The following TFDP1 variants were observed in gnomAD, a reference collection of about 807,000 sequenced individuals.
The protein encoded by TFDP1 is transcription factor Dp-1, also known as DRTF1-polypeptide 1.
TFDP1 carries 6 observed loss-of-function variants against 48.0 expected under a neutral mutation model. That is an observed-to-expected ratio of 0.13 (90% CI 0.07 to 0.25). The LOEUF (loss-of-function observed/expected upper bound fraction) is 0.25, where lower values mean the gene tolerates loss of function less well. Ranked by LOEUF, TFDP1 falls within the 10% of genes least tolerant of loss-of-function variation. The pLI is 1.00. For synonymous variants in TFDP1, 201 were observed against 211.6 expected, an observed-to-expected ratio of 0.95 and a Z score of 0.44; for missense variants, 335 against 543.0, an observed-to-expected ratio of 0.62 and a Z score of 3.81.
At chr13:113,615,333 TATC>T (rs1194192772) in intron 3 of TFDP1, among the ~76,000 whole-genome samples, 1 of 152,232 alleles carries the variant, frequency 6.6e-6, no homozygotes, top group Non-Finnish European at 1.5e-5. Context: ...CTCTTACTCA[TATC>T]ATGCCTACGG....
At chr13:113,637,340 C>T (rs2049518062) in intron 10 of TFDP1, 1 of 318,060 alleles carries the variant, frequency 3.1e-6, no homozygotes. Flanking sequence ...AGATTCCTCC[C>T]TGAGCTCTTA....
intron 8 of TFDP1, 120 bp from the exon 9 acceptor site, chr13:113,635,857 G>A (rs1027280845): frequency 5.0e-6 from 6 of 1,201,056 alleles, no homozygotes; most frequent in Non-Finnish European, 7.0e-6. Flanking sequence ...TGGCATTTCA[G>A]ATGTCCAGGC....
At chr13:113,610,757 G>A (rs2048691334) in intron 2 of TFDP1, among the ~76,000 whole-genome samples, 1 of 152,236 alleles carries the variant, frequency 6.6e-6, no homozygotes, top group Non-Finnish European at 1.5e-5. Context: ...GATTCTGTAA[G>A]TCATGGCTAA....
chr13:113,606,836 G>A (rs983043709), intron 2 of TFDP1, among the ~76,000 whole-genome samples: 3 of 152,144 alleles, frequency 2.0e-5, no homozygotes, highest in Admixed American at 6.5e-5. Context: ...TCGGTGTGGG[G>A]TAAGCGCATC....
At chr13:113,637,528 G>C in intron 10 of TFDP1, 1 of 1,276,238 alleles carries the variant, frequency 7.8e-7, no homozygotes, top group South Asian at 1.4e-5. Context: ...TCCGTTTCAC[G>C]ATGGGTATGA....
At chr13:113,632,496 T>G (rs1384469322) in intron 5 of TFDP1, among the ~76,000 whole-genome samples, 1 of 152,236 alleles carries the variant, frequency 6.6e-6, no homozygotes, top group Non-Finnish European at 1.5e-5. Flanking sequence ...CTGGCTGCCC[T>G]CTTTAGAAAA....
At chr13:113,606,527 C>G (rs1192038986) in intron 2 of TFDP1, among the ~76,000 whole-genome samples, 1 of 152,044 alleles carries the variant, frequency 6.6e-6, no homozygotes, top group African/African-American at 2.4e-5. Context: ...CCAGTCACTT[C>G]CAAATACCGT....
rs923058165 is a variant in TFDP1 at position 113,623,495 on chromosome 13, C to T, written c.186+209C>T. Among the ~76,000 whole-genome samples, 1 of 152,138 alleles carries T rather than the reference C, an allele frequency of 6.6e-6. No homozygotes were observed. The highest frequency in any genetic ancestry group is 1.5e-5 in the Non-Finnish European group (1 of 68,032). ...CGTGTTGTTGTGGGAGAGGTGATGG[C>T]GCCCACAGCACTCCTGTGTGCCCCA... On this transcript the variant is annotated intron_variant, in intron 4 of 11. Transcript: ENST00000375370. The surrounding 1 kb of genome is among the most constrained non-coding windows in gnomAD (Gnocchi z 5.2).
Position 113,607,185 on chromosome 13 carries a change from G to A in TFDP1, c.13-3811G>A, listed in dbSNP as rs1431053538. Among the ~76,000 whole-genome samples, 1 of 152,194 alleles carries A rather than the reference G, an allele frequency of 6.6e-6. No individual in the cohort carries two copies. The highest frequency in any genetic ancestry group is 2.4e-5 in the African/African-American group (1 of 41,432). Reference sequence around the variant, plus strand: ...CTGACAGAGCCGTGCAGGCGGCAGCGGCAGCACTGTTGCTGCGGCTGAGAC... The same window carrying A: ...CTGACAGAGCCGTGCAGGCGGCAGCAGCAGCACTGTTGCTGCGGCTGAGAC... On this transcript the variant is annotated intron_variant, in intron 2 of 11. Transcript: ENST00000375370. This position sits in a 1 kb window ranked among gnomAD's most constrained non-coding sequence, Gnocchi z 5.2.
intron 2 of TFDP1, among the ~76,000 whole-genome samples, chr13:113,586,331 T>C (rs1450619478): frequency 2.0e-5 from 3 of 152,226 alleles, no homozygotes; most frequent in Non-Finnish European, 4.4e-5. Context: ...AGCTAAGGAC[T>C]TGTTTTGGCC....
intron 2 of TFDP1, among the ~76,000 whole-genome samples, chr13:113,590,879 G>A (rs1302699798): frequency 6.6e-6 from 1 of 151,796 alleles, no homozygotes; most frequent in African/African-American, 2.4e-5. Context: ...GCATGGTGGT[G>A]GGCGCCTGTA....
In TFDP1 at chr13:113,600,684, C is replaced by T. The variant is rs538740269; in HGVS notation, c.13-10312C>T. Among the ~76,000 whole-genome samples, 27 of 145,932 alleles carry T rather than the reference C, an allele frequency of 1.9e-4. 1 individual carries two copies. Among genetic ancestry groups the T allele is most frequent in the Non-Finnish European group, 3.4e-4 (23 of 66,830 alleles). On this transcript the variant is annotated intron_variant, in intron 2 of 11. Coordinates refer to ENST00000375370, the MANE Select transcript of TFDP1 (RefSeq NM_007111.5). The stretch of plus-strand genomic sequence containing the variant: ...AGCTCCAGGACCGTGATAGAGAACT[C>T]AGGATGGTGAGAGAGAATCCTTGCA...
At chr13:113,634,777 G>A (rs539646782) in intron 8 of TFDP1, among the ~76,000 whole-genome samples, 175 bp downstream of exon 8, 29 of 149,668 alleles carry the variant, frequency 1.9e-4, no homozygotes, top group African/African-American at 5.9e-4. Flanking sequence ...TTCCCAGAGC[G>A]AGGTTGTGCA....
intron 2 of TFDP1, among the ~76,000 whole-genome samples, chr13:113,602,948 A>G (rs2048474505): frequency 6.6e-6 from 1 of 150,876 alleles, no homozygotes; most frequent in African/African-American, 2.5e-5. Context: ...ATAAAATAGA[A>G]TAACACTAAC....
In TFDP1 at chr13:113,633,940, G is replaced by A. The variant is rs1226638426; in HGVS notation, c.525G>A (p.Val175=). The A allele has an allele frequency of 1.9e-6, 3 of 1,614,024 alleles. No individual in the cohort carries two copies. The highest frequency in any genetic ancestry group is 2.5e-6 in the Non-Finnish European group (3 of 1,180,044). The change falls in exon 7 of 12, where the codon GTG becomes GTA. Residue 175 remains valine (V), a synonymous_variant. Coordinates refer to ENST00000375370, the MANE Select transcript of TFDP1 (RefSeq NM_007111.5). The surrounding 1 kb of genome is among the most constrained non-coding windows in gnomAD (Gnocchi z 4.5). Reference sequence around the variant, plus strand: ...GGCGCGTCTACGATGCCTTAAACGTGCTAATGGCCATGAACATCATCTCCA... The same window carrying A: ...GGCGCGTCTACGATGCCTTAAACGTACTAATGGCCATGAACATCATCTCCA... The part of the protein sequence containing the change: ...IRRRVYDALN[V]LMAMNIISKE...
At chr13:113,587,890 C>T (rs1273620166) in intron 2 of TFDP1, among the ~76,000 whole-genome samples, 2 of 152,166 alleles carry the variant, frequency 1.3e-5, no homozygotes, top group Non-Finnish European at 2.9e-5. Context: ...CGGAGTTTTG[C>T]TTGTTGCCCA....
intron 9 of TFDP1, 92 bp from the exon 10 acceptor site, chr13:113,636,442 G>A: frequency 2.9e-6 from 4 of 1,403,004 alleles, no homozygotes; most frequent in Admixed American, 1.9e-5. Flanking sequence ...GCTGTGTGTG[G>A]CGGTCAGCGG....
At position 113,633,820 on chromosome 13, in the gene TFDP1, A is replaced by G. The variant is rs4150787; in HGVS notation, c.475-70A>G. The G allele has an allele frequency of 2.5e-3, 3,790 of 1,538,672 alleles. 75 individuals carry two copies. In the African/African-American group the frequency reaches 0.045, roughly 18 times the overall value. ...GGGGTGCCCCTTTGAGCCAGTGCCC[A>G]TGGTCTACAGTTTAAGGATCCACCG... On this transcript the variant is annotated intron_variant, in intron 6 of 11. Transcript: ENST00000375370. This position sits in a 1 kb window ranked among gnomAD's most constrained non-coding sequence, Gnocchi z 4.5.
At chr13:113,592,707 GC>G (rs1240188506) in intron 2 of TFDP1, among the ~76,000 whole-genome samples, 1 of 152,256 alleles carries the variant, frequency 6.6e-6, no homozygotes, top group Non-Finnish European at 1.5e-5. Context: ...ATCCAGCATT[GC>G]CAACACATCC....
Sources: allele counts gnomAD v4.1 joint callset (sites outside exome capture counted in the v4.1 genomes callset), GRCh38; gene constraint gnomAD v4.1.1; non-coding constraint Gnocchi (gnomAD v3.1); transcripts MANE v1.5; gene names NCBI Gene and HGNC (gene_info 2026-07-23, HGNC 2026-07-21).